Variants in KMT2C observed in about 807,000 individuals in gnomAD.
KMT2C encodes the protein lysine methyltransferase 2C, also known as histone-lysine N-methyltransferase 2C.
In KMT2C, 88 loss-of-function variants were observed where a neutral mutation model predicts 507.9. That is an observed-to-expected ratio of 0.17 (90% CI 0.15 to 0.21). KMT2C has a LOEUF of 0.21. Among genes scored for constraint, KMT2C ranks in the 10% least tolerant of loss-of-function variants. The probability of loss-of-function intolerance (pLI) is 1.00; values close to 1 mark genes in which losing one functional copy is unlikely to be tolerated. For missense variants in KMT2C, 4,954 were observed against 5,957.8 expected (o/e 0.83, Z 5.55); for synonymous variants, 2,049 against 2,080.8 (o/e 0.98, Z 0.42).
chr7:152,207,130 G>C (rs1018468628), intron 24 of KMT2C, among the ~76,000 whole-genome samples, 170 bp downstream of exon 24: 9 of 152,040 alleles, frequency 5.9e-5, no homozygotes, highest in Non-Finnish European at 1.2e-4. Context: ...GAACTCTAGA[G>C]CTAAAAAGTC....
intron 34 of KMT2C, among the ~76,000 whole-genome samples, chr7:152,184,074 A>T (rs1377791843): frequency 1.4e-5 from 2 of 146,944 alleles, no homozygotes; most frequent in Non-Finnish European, 3.0e-5. Context: ...CTCCATCTCA[A>T]AAAAAAAAAA....
In KMT2C at chr7:152,288,565, A is replaced by T. The variant is rs573222849; in HGVS notation, c.850-14698T>A. 9.6e-3 allele frequency among the ~76,000 whole-genome samples: 1,387 copies of T among 145,064 alleles called. 21 individuals are homozygous for T. The highest frequency in any genetic ancestry group is 0.032 in the African/African-American group (1,167 of 35,946). Reference sequence around the variant, plus strand: ...ATAAATAAATAAATATTTTTTTTTTAAAAAAGACATTAAAGACACTTGTGG... The same window carrying T: ...ATAAATAAATAAATATTTTTTTTTTTAAAAAGACATTAAAGACACTTGTGG... On this transcript the variant is annotated intron_variant, in intron 6 of 58. Transcript: ENST00000262189.
chr7:152,360,113 A>G (rs1415192942), intron 1 of KMT2C, among the ~76,000 whole-genome samples: 1 of 151,748 alleles, frequency 6.6e-6, no homozygotes, highest in East Asian at 1.9e-4. Context: ...AATAATATGA[A>G]AAAAGAATAA....
In KMT2C at chr7:152,384,278, G is replaced by A. The variant is rs546245655; in HGVS notation, c.162-25603C>T. ...TTAAATCAAAACTATTCCTTGGAAT[G>A]ACTTAAAACCCATACTACCTCTAAA... On this transcript the variant is annotated intron_variant, in intron 1 of 58. Transcript: ENST00000262189. Among the ~76,000 whole-genome samples, 6 of 152,270 alleles carry A rather than the reference G, an allele frequency of 3.9e-5. No individual in the cohort carries two copies. In the East Asian group the frequency reaches 9.6e-4, roughly 24 times the overall value.
In KMT2C at chr7:152,176,507, A is replaced by C. The variant is rs760077828; in HGVS notation, c.8946T>G (p.Val2982=). Residue 2982 remains valine, a synonymous_variant, in exon 38 of 59, where the codon GTT becomes GTG. Coordinates refer to ENST00000262189, the MANE Select transcript of KMT2C (RefSeq NM_170606.3). Reference sequence around the variant, plus strand: ...GGTTTACCTGCACACCCTGAGAAAAAACATGGTTTACCCTAGAGACTACTG... The same window carrying C: ...GGTTTACCTGCACACCCTGAGAAAACACATGGTTTACCCTAGAGACTACTG... ...NVTVVSRVNH[V]FSQGVQVNPG... is the part of the protein sequence containing the mutation. The C allele has an allele frequency of 5.6e-6, 9 of 1,613,984 alleles. No homozygotes were observed. The highest frequency in any genetic ancestry group is 7.6e-6 in the Non-Finnish European group (9 of 1,180,024).
chr7:152,362,805 A>G (rs2097207300), intron 1 of KMT2C, among the ~76,000 whole-genome samples: 1 of 151,782 alleles, frequency 6.6e-6, no homozygotes, highest in Admixed American at 6.6e-5. Flanking sequence ...TGCCCTACTT[A>G]CTCCTTAAAA....
rs1183345172 is a variant in KMT2C, at chr7:152,249,673, C to CAAAAAAAAAAA, written c.1813+192_1813+202dup. On this transcript the variant is annotated intron_variant, in intron 13 of 58. Transcript: ENST00000262189. Reference sequence around the variant, plus strand: ...ATTTTTAATCATGACCTCCCCCCTCCAAAAAAAAAAAAAAAAAAAAAAAAA... The same window carrying CAAAAAAAAAAA: ...ATTTTTAATCATGACCTCCCCCCTCCAAAAAAAAAAAAAAAAAAAAAAAAAAAAAAAAAAAA... Among the ~76,000 whole-genome samples, 195 of 34,494 alleles carry CAAAAAAAAAAA rather than the reference C, an allele frequency of 5.7e-3. 7 individuals are homozygous for CAAAAAAAAAAA. The highest frequency in any genetic ancestry group is 0.012 in the South Asian group (6 of 490). The allele number at this position is 34,494 out of a possible 152,430, so 22.6% of individuals were successfully genotyped here.
At chr7:152,399,737 T>A (rs80336325) in intron 1 of KMT2C, among the ~76,000 whole-genome samples, 34 of 148,416 alleles carry the variant, frequency 2.3e-4, no homozygotes, top group African/African-American at 5.4e-4. Context: ...CAACAAAATT[T>A]AAAAAAAAAA....
rs148366561 is a variant in KMT2C at position 152,162,335 on chromosome 7, C to T, written c.11242G>A (p.Ala3748Thr). The T allele has an allele frequency of 8.2e-4, 1,329 of 1,614,224 alleles. 3 individuals are homozygous for T. The African/African-American group carries it at 0.014, about 18-fold the overall frequency. ...GCTGAGGAGACAGGACAGGCTACAG[C>T]GTTTCCTTCTACCTTACTACCATTC... ...EQNGSKVEGN[A>T]VACPVSSAQS... The change falls in exon 43 of 59, where the codon GCT (alanine) becomes ACT (threonine). Residue 3748 changes from alanine (A) to threonine (T), a missense_variant. Ala to Thr is a moderately conservative substitution (Grantham distance 58, BLOSUM62 0). Coordinates refer to ENST00000262189, the MANE Select transcript of KMT2C (RefSeq NM_170606.3).
At position 152,222,536 on chromosome 7, in the gene KMT2C, C is replaced by A. The variant is rs773052680; in HGVS notation, c.3433+37G>T. ...GACAGTAAGGTGCAAGTGAGTGGTA[C>A]AAGAGTGCAGACTCACAGTTTAAAT... On this transcript the variant is annotated intron_variant, in intron 21 of 58. Transcript: ENST00000262189. 50 of 1,085,544 alleles carry A rather than the reference C, an allele frequency of 4.6e-5. No individual in the cohort carries two copies. In the East Asian group the frequency reaches 1.1e-3, roughly 25 times the overall value. The allele number at this position is 1,085,544 out of a possible 1,614,324, so 67.2% of individuals were successfully genotyped here. A position where few individuals can be genotyped will look rare whatever the true frequency, so the allele number is the denominator to read the frequency against.
chr7:152,352,254 A>G (rs984260409), intron 2 of KMT2C, among the ~76,000 whole-genome samples: 1 of 151,936 alleles, frequency 6.6e-6, no homozygotes, highest in Admixed American at 6.6e-5. Flanking sequence ...CGCCTAATAA[A>G]TTTTTGGTCA....
chr7:152,311,491 A>ACTTTAAAATTTTCCC (rs900769091), intron 5 of KMT2C, among the ~76,000 whole-genome samples: 2 of 152,078 alleles, frequency 1.3e-5, no homozygotes, highest in Non-Finnish European at 2.9e-5. Flanking sequence ...CCAAGTTCTC[A>ACTTTAAAATTTTCCC]CTTTAAAATT....
At chr7:152,136,998 G>A (rs1223010544) in intron 58 of KMT2C, 74 bp from the exon 59 acceptor site, 1 of 1,139,284 alleles carries the variant, frequency 8.8e-7, no homozygotes, top group Non-Finnish European at 1.3e-6. Context: ...CATCTCCCTT[G>A]CATTTTAAAA....
At chr7:152,336,999 C>CCTAAT (rs2096941761) in intron 2 of KMT2C, among the ~76,000 whole-genome samples, 1 of 152,128 alleles carries the variant, frequency 6.6e-6, no homozygotes, top group South Asian at 2.1e-4. Flanking sequence ...TACTAAGGAA[C>CCTAAT]CTAATCATTG....
In KMT2C at chr7:152,181,093, T is replaced by A. The variant is rs2093420768; in HGVS notation, c.6767A>T (p.Asn2256Ile). ...CGGGCCAGGTAAAGCTGGTCCTCGG[T>A]TTTGTGCTGCTTGCAGGAAAGGATC... ...NQDPFLQAAQ[N>I]RGPALPGPLV... The change falls in exon 36 of 59, where the codon AAC becomes ATC. Residue 2256 changes from asparagine (N) to isoleucine (I), a missense_variant. Transcript: ENST00000262189. The A allele has an allele frequency of 1.9e-6, 3 of 1,613,866 alleles. No individual in the cohort carries two copies. The highest frequency in any genetic ancestry group is 1.7e-5 in the Admixed American group (1 of 59,976).
intron 1 of KMT2C, among the ~76,000 whole-genome samples, chr7:152,426,241 T>A: frequency 6.8e-6 from 1 of 147,188 alleles, no homozygotes; most frequent in South Asian, 2.2e-4. Flanking sequence ...TTTTTTTTTT[T>A]TTTTTTTTTT....
At position 152,144,691 on chromosome 7, in the gene KMT2C, T is replaced by C; in HGVS notation, c.14343+22A>G. ...GACTCCACCCTGTCTCTCCACTTCC[T>C]GTACACAAAGTATTTCTTCACCTGA... On this transcript the variant is annotated intron_variant, in intron 55 of 58. Coordinates refer to ENST00000262189, the MANE Select transcript of KMT2C (RefSeq NM_170606.3). The surrounding 1 kb of genome is among the most constrained non-coding windows in gnomAD (Gnocchi z 4.4). The C allele has an allele frequency of 6.2e-7, 1 of 1,606,708 alleles. No homozygotes were observed. The highest frequency in any genetic ancestry group is 8.5e-7 in the Non-Finnish European group (1 of 1,174,520).
At chr7:152,174,801 G>A (rs984675310) in intron 38 of KMT2C, among the ~76,000 whole-genome samples, 2 of 152,110 alleles carry the variant, frequency 1.3e-5, no homozygotes, top group Non-Finnish European at 2.9e-5. Context: ...CCCTTTGATT[G>A]CTAATTCTTA....
Position 152,358,689 on chromosome 7 carries a change from A to C in KMT2C, c.162-14T>G. The C allele has an allele frequency of 6.6e-7, 1 of 1,521,894 alleles. No homozygotes were observed. The highest frequency in any genetic ancestry group is 1.8e-5 in the Admixed American group (1 of 55,906). The allele number at this position is 1,521,894 out of a possible 1,614,324, so 94.3% of individuals were successfully genotyped here. On this transcript the variant is annotated splice_polypyrimidine_tract_variant and intron_variant, in intron 1 of 58. Coordinates refer to ENST00000262189, the MANE Select transcript of KMT2C (RefSeq NM_170606.3). The stretch of plus-strand genomic sequence containing the variant: ...CTACTTCGAGGTCTACAGAAAAAAA[A>C]AAAAATAATAAGTACATAGAGTTAA...
Sources: allele counts gnomAD v4.1 joint callset (sites outside exome capture counted in the v4.1 genomes callset), GRCh38; gene constraint gnomAD v4.1.1; non-coding constraint Gnocchi (gnomAD v3.1); transcripts MANE v1.5; gene names NCBI Gene and HGNC (gene_info 2026-07-23, HGNC 2026-07-21).